Variants in KIF26B observed in about 807,000 individuals in gnomAD.
The protein encoded by KIF26B is kinesin family member 26B.
Under a neutral mutation model 151.2 loss-of-function variants are expected in KIF26B, and 63 were observed. The observed-to-expected ratio is 0.42, with a 90% CI of 0.34 to 0.51. KIF26B has a LOEUF of 0.51. Ranked by LOEUF, KIF26B falls within the 20% of genes least tolerant of loss-of-function variation. The pLI is 0.07. For synonymous variants in KIF26B, 1,357 were observed against 1,262.1 expected (o/e 1.08, Z -1.59); for missense variants, 2,813 against 2,913.6 (o/e 0.97, Z 0.79).
chr1:245,626,401 G>GTT (rs1317946845), intron 9 of KIF26B, among the ~76,000 whole-genome samples: 1 of 68,766 alleles, frequency 1.5e-5, no homozygotes, highest in Non-Finnish European at 3.0e-5. Flanking sequence ...TTTCATGGTG[G>GTT]GTTTTTTTTT....
rs190628979 is a variant in KIF26B at position 245,431,603 on chromosome 1, C to A, written c.1166+11858C>A. On this transcript the variant is annotated intron_variant, in intron 4 of 14. Transcript: ENST00000407071. ...TTGTGATCTACCCACCTCAGCCTCC[C>A]AAAGTGCTGGGATTACAGGCGTGAA... Among the ~76,000 whole-genome samples, 1,378 of 152,268 alleles carry A rather than the reference C, an allele frequency of 9.0e-3. 21 individuals are homozygous for A. The highest frequency in any genetic ancestry group is 0.031 in the African/African-American group (1,272 of 41,538).
intron 10 of KIF26B, among the ~76,000 whole-genome samples, chr1:245,653,645 A>AC (rs2103192863): frequency 6.6e-6 from 1 of 151,912 alleles, no homozygotes; most frequent in South Asian, 2.1e-4. Context: ...CCAGTTTATC[A>AC]CCCCCCACCG....
chr1:245,366,056 A>G (rs904105937), intron 2 of KIF26B, among the ~76,000 whole-genome samples: 8 of 152,240 alleles, frequency 5.3e-5, no homozygotes, highest in African/African-American at 1.7e-4. Context: ...CCTCTGTTCG[A>G]GGTTGCAAGT....
chr1:245,461,473 C>A (rs774467598), intron 4 of KIF26B, among the ~76,000 whole-genome samples: 16 of 152,112 alleles, frequency 1.1e-4, no homozygotes, highest in Non-Finnish European at 2.2e-4. Flanking sequence ...TAGATCCGCT[C>A]ATCACGTGTC....
chr1:245,283,268 A>G (rs1481195377), intron 2 of KIF26B, among the ~76,000 whole-genome samples: 1 of 151,176 alleles, frequency 6.6e-6, no homozygotes, highest in Non-Finnish European at 1.5e-5. Flanking sequence ...CGCGAGCCCA[A>G]TCTGCCTAAG....
chr1:245,554,878 C>G lies in KIF26B; in HGVS notation c.1350+13928C>G, dbSNP rs554280697. Among the ~76,000 whole-genome samples the G allele has an allele frequency of 1.1e-4, 17 of 152,314 alleles. No homozygotes were observed. In the South Asian group the frequency reaches 3.3e-3, roughly 30 times the overall value. ...AAAACGTGTGCTCATACAGACCCCT[C>G]TCCAAAGACCTCACGCATCCTTTGC... On this transcript the variant is annotated intron_variant, in intron 5 of 14. Coordinates refer to ENST00000407071, the MANE Select transcript of KIF26B (RefSeq NM_018012.4).
At chr1:245,678,509 G>A (rs185628295) in intron 10 of KIF26B, among the ~76,000 whole-genome samples, 17 of 152,080 alleles carry the variant, frequency 1.1e-4, no homozygotes, top group African/African-American at 1.7e-4. Context: ...TATCTCATGC[G>A]TGTAAGAATT....
chr1:245,344,139 CCT>C (rs1414013369), intron 2 of KIF26B, among the ~76,000 whole-genome samples: 1 of 149,504 alleles, frequency 6.7e-6, no homozygotes, highest in African/African-American at 2.5e-5. Context: ...TCTTTCTCTC[CCT>C]GTTTCTCTGT....
At chr1:245,539,073 T>C (rs1661545615) in intron 4 of KIF26B, among the ~76,000 whole-genome samples, 1 of 152,164 alleles carries the variant, frequency 6.6e-6, no homozygotes, top group Non-Finnish European at 1.5e-5. Context: ...GCCTTCCCTT[T>C]CTCATCATCC....
chr1:245,156,240 C>T (rs1332713399), intron 1 of KIF26B, 42 bp from the exon 2 acceptor site: 11 of 1,533,800 alleles, frequency 7.2e-6, no homozygotes, highest in African/African-American at 1.4e-5. Flanking sequence ...CGCTGCAGCC[C>T]GCCGCCTTGC....
chr1:245,517,970 T>C (rs958122672), intron 4 of KIF26B, among the ~76,000 whole-genome samples: 5 of 151,308 alleles, frequency 3.3e-5, no homozygotes, highest in African/African-American at 1.2e-4. Flanking sequence ...CCTCCTGGGT[T>C]CAAGCAATCC....
In KIF26B at chr1:245,684,291, A is replaced by T; in HGVS notation, c.2317A>T (p.Thr773Ser). The T allele has an allele frequency of 6.2e-7, 1 of 1,613,972 alleles. No individual in the cohort carries two copies. Among genetic ancestry groups the T allele is most frequent in the Non-Finnish European group, 8.5e-7 (1 of 1,179,870 alleles). Reference sequence around the variant, plus strand: ...TCTGGGGAACATGAACTGCCGTACCACCATGATCGCGCACATCTCGGCCGC... The same window carrying T: ...TCTGGGGAACATGAACTGCCGTACCTCCATGATCGCGCACATCTCGGCCGC... ...ESLGNMNCRT[T>S]MIAHISAAVG... The change falls in exon 11 of 15, where the codon ACC becomes TCC. Residue 773 changes from threonine (T) to serine (S), a missense_variant. Physicochemically the swap from Thr to Ser is moderately conservative, Grantham distance 58 (BLOSUM62 1). Transcript: ENST00000407071.
At chr1:245,509,967 C>A (rs960805742) in intron 4 of KIF26B, among the ~76,000 whole-genome samples, 47 of 152,220 alleles carry the variant, frequency 3.1e-4, no homozygotes, top group Admixed American at 3.0e-3. Flanking sequence ...CCATGCCACG[C>A]CCTCCCTTGG....
At chr1:245,545,255 C>G (rs1424668457) in intron 5 of KIF26B, among the ~76,000 whole-genome samples, 8 of 152,170 alleles carry the variant, frequency 5.3e-5, no homozygotes, top group Non-Finnish European at 1.2e-4. Context: ...GCATGCGCCA[C>G]CACACCCAGT....
chr1:245,224,155 C>A (rs545049237), intron 2 of KIF26B, among the ~76,000 whole-genome samples: 2 of 152,024 alleles, frequency 1.3e-5, no homozygotes. Context: ...TGTGGTGGCG[C>A]GTGCCTGTAA....
At chr1:245,303,166 A>G (rs1671462898) in intron 2 of KIF26B, among the ~76,000 whole-genome samples, 1 of 151,204 alleles carries the variant, frequency 6.6e-6, no homozygotes, top group Non-Finnish European at 1.5e-5. Flanking sequence ...TATCTGCTGT[A>G]AAATGAATTT....
intron 10 of KIF26B, among the ~76,000 whole-genome samples, chr1:245,670,131 AAAAT>A (rs1020295525): frequency 1.3e-5 from 2 of 152,062 alleles, no homozygotes; most frequent in Non-Finnish European, 2.9e-5. Context: ...GCTATTAAAT[AAAAT>A]AAATAAATAT....
In KIF26B at chr1:245,170,082, C is replaced by T. The variant is rs73125022; in HGVS notation, c.465+13399C>T. On this transcript the variant is annotated intron_variant, in intron 2 of 14. Coordinates refer to ENST00000407071, the MANE Select transcript of KIF26B (RefSeq NM_018012.4). The surrounding 1 kb of genome is among the most constrained non-coding windows in gnomAD (Gnocchi z 4.4). ...CCCGTCCACTGCTGCATAACCAAAA[C>T]GTCACTGGTGTGAAGGAAGAGGATG... Among the ~76,000 whole-genome samples, 23 of 152,006 alleles carry T rather than the reference C, an allele frequency of 1.5e-4. No individual in the cohort carries two copies. The highest frequency in any genetic ancestry group is 5.8e-4 in the East Asian group (3 of 5,178).
At position 245,459,002 on chromosome 1, in the gene KIF26B, T is replaced by C. The variant is rs191922900; in HGVS notation, c.1166+39257T>C. Among the ~76,000 whole-genome samples the C allele has an allele frequency of 3.9e-4, 60 of 152,334 alleles. 1 individual carries two copies. In the East Asian group the frequency reaches 0.011, roughly 29 times the overall value. On this transcript the variant is annotated intron_variant, in intron 4 of 14. Transcript: ENST00000407071. The stretch of plus-strand genomic sequence containing the variant: ...CAGTTGGTGATAAAACGTTTCATGG[T>C]CTTACAGCTCAGTAGATAGGAGCAT...
Sources: allele counts gnomAD v4.1 joint callset (sites outside exome capture counted in the v4.1 genomes callset), GRCh38; gene constraint gnomAD v4.1.1; non-coding constraint Gnocchi (gnomAD v3.1); transcripts MANE v1.5; gene names NCBI Gene and HGNC (gene_info 2026-07-23, HGNC 2026-07-21).